MOCOS: variants seen among roughly 807,000 people sequenced by gnomAD.
The protein encoded by MOCOS is human molybdenum cofactor sulfurase.
Under a neutral mutation model 83.6 loss-of-function variants are expected in MOCOS, and 86 were observed. The ratio of observed to expected loss-of-function variants is 1.03; its 90% confidence interval spans 0.86 to 1.23. The LOEUF (loss-of-function observed/expected upper bound fraction) is 1.23, where lower values mean the gene tolerates loss of function less well. MOCOS is among the 50% of genes most tolerant of loss of function. The pLI, the probability that MOCOS is intolerant of heterozygous loss-of-function variation, is 0.00. For missense variants in MOCOS, 1,120 were observed against 1,126.9 expected, an observed-to-expected ratio of 0.99 and a Z score of 0.09; for synonymous variants, 445 against 434.7, an observed-to-expected ratio of 1.02 and a Z score of -0.29.
rs772670178 is a variant in MOCOS at position 36,215,858 on chromosome 18, G to A, written c.1678G>A (p.Val560Ile). Residue 560 changes from valine to isoleucine, a missense_variant, in exon 8 of 15, where the codon GTC becomes ATC. Physicochemically the swap from Val to Ile is conservative, Grantham distance 29 (BLOSUM62 3). Coordinates refer to ENST00000261326, the MANE Select transcript of MOCOS (RefSeq NM_017947.4). ...GCCTGTGGCCCCACCTGTGTGTGAT[G>A]TCGCCAGAACCCAGCCGACTCCTTC... ...AVPVAPPVCDVARTQPTPSEK... is the reference protein window; with the variant it reads ...AVPVAPPVCDIARTQPTPSEK... 1.2e-6 allele frequency: 2 copies of A among 1,614,116 alleles called. No homozygotes were observed. The highest frequency in any genetic ancestry group is 2.2e-5 in the South Asian group (2 of 91,094).
chr18:36,194,267 T>C (rs576049765), intron 1 of MOCOS, among the ~76,000 whole-genome samples: 5 of 152,112 alleles, frequency 3.3e-5, no homozygotes, highest in South Asian at 4.2e-4. Context: ...TTTAAGAGAG[T>C]GAATTTTATG....
intron 9 of MOCOS, among the ~76,000 whole-genome samples, chr18:36,247,838 G>A (rs1036453347): frequency 6.6e-6 from 1 of 152,184 alleles, no homozygotes; most frequent in Admixed American, 6.5e-5. Flanking sequence ...AGCGGTTCAT[G>A]CAGCAAAAGT....
chr18:36,255,875 C>T (rs2091639534), intron 11 of MOCOS, among the ~76,000 whole-genome samples: 1 of 142,710 alleles, frequency 7.0e-6, no homozygotes, highest in Non-Finnish European at 1.5e-5. Flanking sequence ...TTTCGTCCCC[C>T]TTTTAGTAGT....
At position 36,213,395 on chromosome 18, in the gene MOCOS, C is replaced by A; in HGVS notation, c.1248C>A (p.Ile416=). ...ACAAAATGGCCAGTCTTTACAACAT[C>A]CACCTGCGAACTGGCTGCTTCTGTA... is the stretch of plus-strand genomic sequence containing the variant. ...QVDKMASLYN[I]HLRTGCFCNT... is the part of the protein sequence containing the mutation. The change falls in exon 7 of 15, where the codon ATC becomes ATA. Residue 416 remains isoleucine, a synonymous_variant. Coordinates refer to ENST00000261326, the MANE Select transcript of MOCOS (RefSeq NM_017947.4). 6.2e-7 allele frequency: 1 copy of A among 1,614,134 alleles called. No individual in the cohort carries two copies. The highest frequency in any genetic ancestry group is 8.5e-7 in the Non-Finnish European group (1 of 1,180,006).
In MOCOS at chr18:36,271,452, T is replaced by C. The variant is rs963868258; in HGVS notation, c.*2767T>C. On this transcript the variant is annotated 3_prime_UTR_variant, in exon 15 of 15. Coordinates refer to ENST00000261326, the MANE Select transcript of MOCOS (RefSeq NM_017947.4). ...TATGAAGTTTCAGCTAAAAATGTAC[T>C]TTGTGTATCTGTAGAGTGGCTTCAT... 2.0e-5 allele frequency: 3 copies of C among 152,202 alleles called. No individual in the cohort carries two copies. Among genetic ancestry groups the C allele is most frequent in the Non-Finnish European group, 4.4e-5 (3 of 68,036 alleles). 9.4% of individuals were successfully genotyped at this position (152,202 alleles called of 1,614,324 possible).
In MOCOS at chr18:36,198,711, T is replaced by A. The variant is rs748325270; in HGVS notation, c.254T>A (p.Ile85Asn). The change falls in exon 3 of 15, where the codon ATC (isoleucine) becomes AAC (asparagine). Residue 85 changes from isoleucine to asparagine, a missense_variant. Transcript: ENST00000261326. ...NTYGNPHSQNISSKLTHDTVE... is the reference protein window; with the variant it reads ...NTYGNPHSQNNSSKLTHDTVE... ...CCAGGTAATCCTCACAGCCAGAACA[T>A]CAGCAGCAAGCTCACCCATGACACT... 1.2e-6 allele frequency: 2 copies of A among 1,614,010 alleles called. No individual in the cohort carries two copies. Among genetic ancestry groups the A allele is most frequent in the Non-Finnish European group, 1.7e-6 (2 of 1,180,012 alleles).
rs1344519027 is a variant in MOCOS at position 36,199,732 on chromosome 18, A to G, written c.349A>G (p.Thr117Ala). The G allele has an allele frequency of 6.2e-7, 1 of 1,614,070 alleles. No homozygotes were observed. The highest frequency in any genetic ancestry group is 8.5e-7 in the Non-Finnish European group (1 of 1,180,022). Residue 117 changes from threonine to alanine, a missense_variant, in exon 4 of 15, where the codon ACT becomes GCT. Transcript: ENST00000261326. ...CGCAGAAGACTACACTGTGATCTTC[A>G]CTGCCGGGAGCACGGCTGCTCTCAA... The part of the protein sequence containing the change: ...TTAEDYTVIF[T>A]AGSTAALKLV...
Position 36,224,793 on chromosome 18 carries a change from T to C in MOCOS, c.1960+4576T>C, listed in dbSNP as rs186170899. On this transcript the variant is annotated intron_variant, in intron 9 of 14. Transcript: ENST00000261326. ...CCTCATAAAATGAGTTTGGGAATGT[T>C]CCCTCCTCTTAGTTTTTAAGTAGAG... 3.3e-4 allele frequency among the ~76,000 whole-genome samples: 51 copies of C among 152,338 alleles called. 2 individuals carry two copies. The East Asian group carries it at 4.2e-3, about 13-fold the overall frequency.
In MOCOS at chr18:36,201,663, CAAA is replaced by C. The variant is rs200846253; in HGVS notation, c.941+1353_941+1355del. 5.3e-3 allele frequency among the ~76,000 whole-genome samples: 366 copies of C among 69,458 alleles called. 11 individuals carry two copies. Among genetic ancestry groups the C allele is most frequent in the Non-Finnish European group, 7.8e-3 (280 of 36,124 alleles). 45.6% of individuals were successfully genotyped at this position (69,458 alleles called of 152,430 possible). Reference sequence around the variant, plus strand: ...TGGTGACAGAGCAAGACTCCATCTCCAAAAAAAAAAAAAAAAGAAATGATAATA... The same window carrying C: ...TGGTGACAGAGCAAGACTCCATCTCCAAAAAAAAAAAAAGAAATGATAATA... On this transcript the variant is annotated intron_variant, in intron 4 of 14. Transcript: ENST00000261326.
chr18:36,250,723 C>T (rs1011918813), intron 10 of MOCOS, among the ~76,000 whole-genome samples: 1 of 152,192 alleles, frequency 6.6e-6, no homozygotes, highest in African/African-American at 2.4e-5. Context: ...ATCTGTAACT[C>T]ACAGGCACAG....
At chr18:36,240,149 TCCG>T (rs1308260305) in intron 9 of MOCOS, among the ~76,000 whole-genome samples, 245 of 138,252 alleles carry the variant, frequency 1.8e-3, no homozygotes, top group African/African-American at 6.6e-3. Flanking sequence ...AAAGTCATTC[TCCG>T]TCCAGCTTTG....
At position 36,203,619 on chromosome 18, in the gene MOCOS, A is replaced by G. The variant is rs553895211; in HGVS notation, c.1018+430A>G. Among the ~76,000 whole-genome samples the G allele has an allele frequency of 2.5e-3, 388 of 152,330 alleles. 3 individuals are homozygous for G. The highest frequency in any genetic ancestry group is 9.0e-3 in the African/African-American group (374 of 41,574). ...CGCCTTCCAGGCCAGGGAGCTGGAA[A>G]CCAGGAGGGCAAGGATTTAACCCAA... On this transcript the variant is annotated intron_variant, in intron 5 of 14. Transcript: ENST00000261326.
Position 36,214,938 on chromosome 18 carries a change from G to A in MOCOS, c.1336-578G>A, listed in dbSNP as rs138663702. On this transcript the variant is annotated intron_variant, in intron 7 of 14. Transcript: ENST00000261326. ...TGACCAACACCAGGCAGCCGGGCTC[G>A]GAGACTGAGATTCTCCTGCCTTTCT... 5.1e-4 allele frequency among the ~76,000 whole-genome samples: 78 copies of A among 152,312 alleles called. No homozygotes were observed. The East Asian group carries it at 0.012, about 23-fold the overall frequency.
rs146765769 is a variant in MOCOS, at chr18:36,228,378, G to A, written c.1960+8161G>A. On this transcript the variant is annotated intron_variant, in intron 9 of 14. Coordinates refer to ENST00000261326, the MANE Select transcript of MOCOS (RefSeq NM_017947.4). ...TATTCTATTATAAAAACACATGCAT[G>A]CATACGTACATTTGTGACACAATTC... Among the ~76,000 whole-genome samples, 75 of 152,222 alleles carry A rather than the reference G, an allele frequency of 4.9e-4. No homozygotes were observed. In the East Asian group the frequency reaches 0.012, roughly 25 times the overall value.
chr18:36,229,059 G>T (rs2144930426), intron 9 of MOCOS, among the ~76,000 whole-genome samples: 1 of 151,750 alleles, frequency 6.6e-6, no homozygotes, highest in South Asian at 2.1e-4. Context: ...AAATATTTTT[G>T]TCTTTTGACC....
intron 13 of MOCOS, among the ~76,000 whole-genome samples, chr18:36,264,631 T>G (rs1302886940): frequency 3.3e-5 from 5 of 151,964 alleles, no homozygotes; most frequent in Non-Finnish European, 5.9e-5. Flanking sequence ...TCTGGAGAGG[T>G]CACAGGTTTG....
At chr18:36,230,187 A>G (rs2144931533) in intron 9 of MOCOS, among the ~76,000 whole-genome samples, 1 of 152,194 alleles carries the variant, frequency 6.6e-6, no homozygotes, top group South Asian at 2.1e-4. Flanking sequence ...GTTTCAAGCG[A>G]TTCTCATGCC....
intron 3 of MOCOS, among the ~76,000 whole-genome samples, chr18:36,199,135 C>T (rs1262647120): frequency 6.6e-6 from 1 of 152,012 alleles, no homozygotes; most frequent in Non-Finnish European, 1.5e-5. Flanking sequence ...AACTTGTTTT[C>T]TTCCTGTCTT....
intron 1 of MOCOS, among the ~76,000 whole-genome samples, chr18:36,193,492 A>T (rs887199481): frequency 6.6e-6 from 1 of 152,168 alleles, no homozygotes; most frequent in Admixed American, 6.5e-5. Context: ...AACGAGGGAA[A>T]TAACTTCTTC....
Sources: allele counts gnomAD v4.1 joint callset (sites outside exome capture counted in the v4.1 genomes callset), GRCh38; gene constraint gnomAD v4.1.1; transcripts MANE v1.5; gene names NCBI Gene and HGNC (gene_info 2026-07-23, HGNC 2026-07-21).